The following SMARCA5 variants were observed in gnomAD, a reference collection of about 807,000 sequenced individuals.
SMARCA5 encodes the protein SNF2 related chromatin remodeling ATPase 5.
A neutral mutation model predicts 140.4 loss-of-function variants in SMARCA5; 18 were observed. The ratio of observed to expected loss-of-function variants is 0.13; its 90% CI spans 0.09 to 0.19. The LOEUF (loss-of-function observed/expected upper bound fraction) is 0.19, where lower values mean the gene tolerates loss of function less well. SMARCA5 is among the 10% of genes least tolerant of loss of function. SMARCA5 has a pLI of 1.00. For synonymous variants in SMARCA5, 449 were observed against 419.6 expected (o/e 1.07, Z -0.86); for missense variants, 606 against 1,276.8 (o/e 0.47, Z 8.01).
At chr4:143,532,212 G>C (rs76474710) in intron 9 of SMARCA5, among the ~76,000 whole-genome samples, 1 of 152,150 alleles carries the variant, frequency 6.6e-6, no homozygotes, top group Admixed American at 6.5e-5. Flanking sequence ...AGCTACCTTT[G>C]TTTCAATTCA....
intron 23 of SMARCA5, among the ~76,000 whole-genome samples, chr4:143,551,281 T>G (rs1037959293): frequency 6.6e-6 from 1 of 152,116 alleles, no homozygotes; most frequent in African/African-American, 2.4e-5. Context: ...AGTAGAGTTG[T>G]TTGAGCTCTT....
At chr4:143,532,029 A>C (rs1469637887) in intron 9 of SMARCA5, among the ~76,000 whole-genome samples, 3 of 152,244 alleles carry the variant, frequency 2.0e-5, no homozygotes, top group Non-Finnish European at 4.4e-5. Context: ...GCACAAAGGC[A>C]GGAAGCACAG....
rs754288571 is a variant in SMARCA5 at position 143,544,001 on chromosome 4, G to T, written c.2172+29G>T. The T allele has an allele frequency of 4.1e-6, 6 of 1,471,076 alleles. No individual in the cohort carries two copies. The South Asian group carries it at 7.4e-5, about 18-fold the overall frequency. 91.1% of individuals were successfully genotyped at this position (1,471,076 alleles called of 1,614,324 possible). A position where few individuals can be genotyped will look rare whatever the true frequency, so the allele number is the denominator to read the frequency against. On this transcript the variant is annotated intron_variant, in intron 16 of 23. Transcript: ENST00000283131. ...ATTTAGAAATAGGTTTGGGTTACAT[G>T]AAAGCTTTATTTTACTGGAAACTTG...
At position 143,529,841 on chromosome 4, in the gene SMARCA5, T is replaced by C. The variant is rs1330928276; in HGVS notation, c.1090-617T>C. On this transcript the variant is annotated intron_variant, in intron 8 of 23. Coordinates refer to ENST00000283131, the MANE Select transcript of SMARCA5 (RefSeq NM_003601.4). ...AAAAGCAATTTTAGCTTCGATTTTA[T>C]GTATTTTGATGTTTTTGAGATAATT... Among the ~76,000 whole-genome samples the C allele has an allele frequency of 2.0e-5, 3 of 152,222 alleles. No homozygotes were observed. In the South Asian group the frequency reaches 6.2e-4, roughly 31 times the overall value.
In SMARCA5 at chr4:143,542,865, A is replaced by G. The variant is rs146622354; in HGVS notation, c.1904-644A>G. On this transcript the variant is annotated intron_variant, in intron 14 of 23. Transcript: ENST00000283131. ...TGTGGTAGTGCATGCCTTTAGTCCT[A>G]GCTACTTGGGAAGCTGAGACAGGAG... Among the ~76,000 whole-genome samples, 1,296 of 152,280 alleles carry G rather than the reference A, an allele frequency of 8.5e-3. 12 individuals are homozygous for G. Among genetic ancestry groups the G allele is most frequent in the East Asian group, 0.035 (182 of 5,188 alleles).
intron 14 of SMARCA5, among the ~76,000 whole-genome samples, chr4:143,541,274 C>T (rs564746638): frequency 2.0e-5 from 3 of 152,218 alleles, no homozygotes; most frequent in African/African-American, 7.2e-5. Flanking sequence ...CATTGGTTTC[C>T]TTTGTAACTG....
intron 3 of SMARCA5, among the ~76,000 whole-genome samples, chr4:143,523,874 G>T (rs566047765): frequency 6.6e-6 from 1 of 152,146 alleles, no homozygotes; most frequent in African/African-American, 2.4e-5. Context: ...TTTTAAGGGG[G>T]TAGTATATCT....
chr4:143,516,971 G>A (rs889945334), intron 1 of SMARCA5, among the ~76,000 whole-genome samples: 18 of 152,150 alleles, frequency 1.2e-4, no homozygotes, highest in African/African-American at 3.9e-4. Flanking sequence ...TAGCACAGTA[G>A]ATACTGTAGT....
chr4:143,529,744 TTTG>T (rs1737146194), intron 8 of SMARCA5, among the ~76,000 whole-genome samples: 1 of 152,186 alleles, frequency 6.6e-6, no homozygotes, highest in Non-Finnish European at 1.5e-5. Context: ...ATTAATTAAT[TTTG>T]TTTTTTTTCT....
At chr4:143,530,742 G>C (rs1185739832) in intron 9 of SMARCA5, among the ~76,000 whole-genome samples, 1 of 152,104 alleles carries the variant, frequency 6.6e-6, no homozygotes, top group Non-Finnish European at 1.5e-5. Flanking sequence ...CTGACTTAAG[G>C]GAGAAAGTAT....
chr4:143,514,083 C>T lies in SMARCA5; in HGVS notation c.159C>T (p.Pro53=), dbSNP rs1560808551. 4.5e-6 allele frequency: 7 copies of T among 1,552,764 alleles called. No individual in the cohort carries two copies. Among genetic ancestry groups the T allele is most frequent in the South Asian group, 3.5e-5 (3 of 86,128 alleles). Residue 53 remains proline, a synonymous_variant, in exon 1 of 24, where the codon CCC becomes CCT. Transcript: ENST00000283131. ...TTGCGTCTGCGGCCAGCGCTGGTCCCGCAGACGCCGAGATGGAGGTGAGGG... is the reference window on the plus strand; with the variant it reads ...TTGCGTCTGCGGCCAGCGCTGGTCCTGCAGACGCCGAGATGGAGGTGAGGG... ...QAVASAASAG[P]ADAEMEEIFD... is the part of the protein sequence containing the mutation.
intron 18 of SMARCA5, 137 bp from the exon 19 acceptor site, chr4:143,545,788 T>C: frequency 1.1e-6 from 1 of 929,540 alleles, no homozygotes; most frequent in Non-Finnish European, 1.7e-6. Flanking sequence ...ATCTGGTTTG[T>C]TTTTAACATA....
Position 143,547,958 on chromosome 4 carries a change from C to T in SMARCA5, c.2803C>T (p.Leu935=), listed in dbSNP as rs1222360142. ...IGRYKAPFHQ[L]RISYGTNKGK... is the part of the protein sequence containing the mutation. ...ACGGTACAAAGCACCTTTTCATCAG[C>T]TGAGAATATCATATGGTACTAACAA... Residue 935 remains leucine (L), a synonymous_variant, in exon 22 of 24, where the codon CTG becomes TTG. Transcript: ENST00000283131. 1.2e-6 allele frequency: 2 copies of T among 1,606,838 alleles called. No homozygotes were observed. Among genetic ancestry groups the T allele is most frequent in the Non-Finnish European group, 1.7e-6 (2 of 1,175,752 alleles).
At chr4:143,533,280 A>G (rs2149820922) in intron 9 of SMARCA5, among the ~76,000 whole-genome samples, 1 of 152,312 alleles carries the variant, frequency 6.6e-6, no homozygotes, top group Admixed American at 6.5e-5. Context: ...ACCCTTGGGA[A>G]GGAAAAGAGG....
At chr4:143,547,039 C>G (rs1289388988) in intron 20 of SMARCA5, 131 bp downstream of exon 20, 12 of 843,506 alleles carry the variant, frequency 1.4e-5, no homozygotes, top group Admixed American at 3.2e-5. Context: ...TTATTTTTTA[C>G]AAATTAGAAA....
At chr4:143,527,775 C>T in intron 6 of SMARCA5, 93 bp from the exon 7 acceptor site, 1 of 1,091,616 alleles carries the variant, frequency 9.2e-7, no homozygotes, top group Middle Eastern at 2.5e-4. Flanking sequence ...TTTAGTATTC[C>T]CACCTCTTTT....
At chr4:143,549,084 T>C (rs1027326036) in intron 22 of SMARCA5, among the ~76,000 whole-genome samples, 3 of 152,126 alleles carry the variant, frequency 2.0e-5, no homozygotes, top group Admixed American at 1.3e-4. Context: ...GAACAATTTA[T>C]AGAGTTAATA....
chr4:143,514,071 C>T lies in SMARCA5; in HGVS notation c.147C>T (p.Ala49=), dbSNP rs771352254. ...CGGCGCAGGCGGTTGCGTCTGCGGC[C>T]AGCGCTGGTCCCGCAGACGCCGAGA... ...GVAAQAVASA[A]SAGPADAEME... The change falls in exon 1 of 24, where the codon GCC becomes GCT. Residue 49 remains alanine (A), a synonymous_variant. Transcript: ENST00000283131. 3.4e-5 allele frequency: 53 copies of T among 1,560,202 alleles called. No individual in the cohort carries two copies. Among genetic ancestry groups the T allele is most frequent in the Non-Finnish European group, 4.5e-5 (52 of 1,161,532 alleles).
chr4:143,526,152 G>A, intron 5 of SMARCA5, 129 bp from the exon 6 acceptor site: 4 of 739,772 alleles, frequency 5.4e-6, no homozygotes, highest in Non-Finnish European at 6.7e-6. Context: ...TATATGTTAA[G>A]TTTTTGCCAT....
Sources: gnomAD v4.1 joint callset for allele counts (sites outside exome capture counted in the v4.1 genomes callset) on GRCh38, gnomAD v4.1.1 for gene constraint, MANE v1.5 for transcripts, NCBI Gene and HGNC (gene_info 2026-07-23, HGNC 2026-07-21) for gene names.